Variants in CECR2 observed in about 807,000 individuals in gnomAD.
The protein encoded by CECR2 is chromatin remodeling regulator CECR2.
Under a neutral mutation model 154.5 loss-of-function variants are expected in CECR2, and 30 were observed. The ratio of observed to expected loss-of-function variants is 0.19; its 90% CI spans 0.15 to 0.26. The LOEUF is 0.26. CECR2 is among the 10% of genes least tolerant of loss of function. The probability of loss-of-function intolerance (pLI) is 1.00; values close to 1 mark genes in which losing one functional copy is unlikely to be tolerated. For synonymous variants in CECR2, 725 were observed against 683.7 expected (o/e 1.06, Z -0.94); for missense variants, 1,743 against 1,829.3 (o/e 0.95, Z 0.86).
rs774377462 is a variant in CECR2, at chr22:17,511,812, G to A, written c.871-1G>A. 11 of 1,610,552 alleles carry A rather than the reference G, an allele frequency of 6.8e-6. No homozygotes were observed. The South Asian group carries it at 1.1e-4, about 16-fold the overall frequency. On this transcript the variant is annotated splice_acceptor_variant, in intron 7 of 18. Transcript: ENST00000262608. LOFTEE classifies it high-confidence loss of function. ...TTTCTCTTCTTCACTTCTAACTATA[G>A]GGAAAACGTCCACAGCGCACAAAGG...
At chr22:17,408,127 T>C (rs1209596734) in intron 1 of CECR2, among the ~76,000 whole-genome samples, 5 of 152,214 alleles carry the variant, frequency 3.3e-5, no homozygotes, top group South Asian at 2.1e-4. Flanking sequence ...GAATTCAATA[T>C]GTTGTGCAGC....
chr22:17,452,221 A>G (rs1355020285), intron 1 of CECR2, among the ~76,000 whole-genome samples: 1 of 152,096 alleles, frequency 6.6e-6, no homozygotes, highest in Non-Finnish European at 1.5e-5. Context: ...TACACGTGTG[A>G]GCCACCACGC....
intron 16 of CECR2, among the ~76,000 whole-genome samples, chr22:17,547,268 C>T (rs994881326): frequency 1.5e-4 from 23 of 150,664 alleles, no homozygotes; most frequent in Non-Finnish European, 3.1e-4. Flanking sequence ...CTCACTCTGT[C>T]GCCCAGGCTG....
At position 17,457,330 on chromosome 22, in the gene CECR2, A is replaced by G. The variant is rs536820198; in HGVS notation, c.127-20258A>G. On this transcript the variant is annotated intron_variant, in intron 1 of 18. Coordinates refer to ENST00000262608, the MANE Select transcript of CECR2 (RefSeq NM_001290047.2). ...GCGTGAGCCACTGCGCCTGGCCTAT[A>G]TTTACTAGTTTTGTCTTGCTCTCTG... 5.6e-4 allele frequency among the ~76,000 whole-genome samples: 86 copies of G among 152,218 alleles called. 1 individual carries two copies. The highest frequency in any genetic ancestry group is 1.9e-3 in the African/African-American group (78 of 41,554).
At position 17,477,691 on chromosome 22, in the gene CECR2, T is replaced by A. The variant is rs1365246214; in HGVS notation, c.221+9T>A. 6.4e-7 allele frequency: 1 copy of A among 1,574,234 alleles called. No individual in the cohort carries two copies. The highest frequency in any genetic ancestry group is 8.7e-7 in the Non-Finnish European group (1 of 1,144,062). The stretch of plus-strand genomic sequence containing the variant: ...CAACGAAGAGATATCACGTGAGTAA[T>A]TCTGATCTTTCTAAGCATTTCTTGC... On this transcript the variant is annotated intron_variant, in intron 2 of 18. Transcript: ENST00000262608.
chr22:17,360,721 T>G (rs951573771), intron 1 of CECR2, among the ~76,000 whole-genome samples: 1 of 149,506 alleles, frequency 6.7e-6, no homozygotes, highest in Non-Finnish European at 1.5e-5. Context: ...GACATGTGCC[T>G]GTAATCCCAG....
intron 1 of CECR2, among the ~76,000 whole-genome samples, chr22:17,364,276 G>A (rs1335133303): frequency 6.9e-6 from 1 of 144,332 alleles, no homozygotes; most frequent in East Asian, 2.1e-4. Flanking sequence ...CTGGGAGGCG[G>A]AGCTTGCAGT....
At chr22:17,512,957 G>A (rs1569133657) in intron 8 of CECR2, among the ~76,000 whole-genome samples, 1 of 152,116 alleles carries the variant, frequency 6.6e-6, no homozygotes, top group African/African-American at 2.4e-5. Flanking sequence ...AAATGTTTAG[G>A]TCACATGAAA....
At chr22:17,524,097 G>T (rs2056207645) in intron 8 of CECR2, 21 bp from the exon 9 acceptor site, 2 of 1,557,752 alleles carry the variant, frequency 1.3e-6, no homozygotes, top group Admixed American at 1.9e-5. Flanking sequence ...CTGACCGGAT[G>T]TGCTCATTGG....
chr22:17,383,892 C>G (rs1161890482), intron 1 of CECR2, among the ~76,000 whole-genome samples: 1 of 152,036 alleles, frequency 6.6e-6, no homozygotes, highest in African/African-American at 2.4e-5. Context: ...AGGCTGGTCT[C>G]AGACTCCTGA....
rs371685774 is a variant in CECR2, at chr22:17,433,534, C to T, written c.127-44054C>T. Among the ~76,000 whole-genome samples the T allele has an allele frequency of 3.5e-4, 54 of 152,294 alleles. No individual in the cohort carries two copies. In the East Asian group the frequency reaches 9.6e-3, roughly 27 times the overall value. On this transcript the variant is annotated intron_variant, in intron 1 of 18. Transcript: ENST00000262608. ...GATCACTGCTCACTGCAGCCTTGAC[C>T]TCCTGGGCTCAAGTAGTCCTCCCAC...
intron 2 of CECR2, among the ~76,000 whole-genome samples, chr22:17,487,470 C>T (rs527973744): frequency 6.6e-6 from 1 of 152,222 alleles, no homozygotes; most frequent in African/African-American, 2.4e-5. Context: ...GAGGCCGAGG[C>T]GGGTGGATCA....
Position 17,524,245 on chromosome 22 carries a change from T to C in CECR2, c.1082T>C (p.Leu361Ser). ...CTAAAGGAAGAGAGGAAACGCGAGT[T>C]GGAGGAGAAGGTCAAGGCAGTGGAA... ...QMLKEERKRE[L>S]EEKVKAVEDR... Residue 361 changes from leucine (L) to serine (S), a missense_variant, in exon 9 of 19, where the codon TTG (leucine) becomes TCG (serine). Leu to Ser is a moderately radical substitution (Grantham distance 145). Around this residue, in one of 4 missense-constraint regions of CECR2, gnomAD observed 292 missense variants for 301.2 expected, o/e 0.97. Transcript: ENST00000262608. 1.2e-6 allele frequency: 2 copies of C among 1,609,560 alleles called. No homozygotes were observed. The highest frequency in any genetic ancestry group is 2.2e-5 in the South Asian group (2 of 89,942).
At chr22:17,419,332 G>C (rs578171331) in intron 1 of CECR2, 122 of 165,994 alleles carry the variant, frequency 7.3e-4, no homozygotes, top group African/African-American at 2.8e-3. Context: ...TGTGAAGGTA[G>C]AAATCCAGGA....
chr22:17,518,232 G>A (rs972128885), intron 8 of CECR2, among the ~76,000 whole-genome samples: 2 of 152,144 alleles, frequency 1.3e-5, no homozygotes, highest in Non-Finnish European at 1.5e-5. Context: ...ATTAGGCGAC[G>A]CTTTGCATAC....
intron 1 of CECR2, among the ~76,000 whole-genome samples, chr22:17,400,000 T>C (rs1354138589): frequency 9.2e-5 from 14 of 152,174 alleles, no homozygotes. Flanking sequence ...CAGTTAGCAT[T>C]TTATTTATAT....
intron 2 of CECR2, among the ~76,000 whole-genome samples, chr22:17,482,700 A>G (rs1261277982): frequency 6.7e-6 from 1 of 148,838 alleles, no homozygotes; most frequent in Non-Finnish European, 1.5e-5. Context: ...GGCCCATCTA[A>G]TTTCTTTATT....
At chr22:17,428,798 T>TTGTGTGTGTGTGTC (rs2054372226) in intron 1 of CECR2, among the ~76,000 whole-genome samples, 1 of 136,336 alleles carries the variant, frequency 7.3e-6, no homozygotes. Context: ...ATGTTTTTAT[T>TTGTGTGTGTGTGTC]TGTGTGTGTG....
chr22:17,429,423 C>T (rs968317845), intron 1 of CECR2, among the ~76,000 whole-genome samples: 1 of 151,382 alleles, frequency 6.6e-6, no homozygotes, highest in African/African-American at 2.4e-5. Flanking sequence ...CAAGGGAGAC[C>T]GGGCGCGGTG....
Sources: allele counts gnomAD v4.1 joint callset (sites outside exome capture counted in the v4.1 genomes callset), GRCh38; gene constraint gnomAD v4.1.1; regional missense constraint gnomAD v4.1.1; transcripts MANE v1.5; gene names NCBI Gene and HGNC (gene_info 2026-07-23, HGNC 2026-07-21).